PDE7B: variants seen among roughly 807,000 people sequenced by gnomAD.
PDE7B encodes phosphodiesterase 7B, also known as 3',5'-cyclic-AMP phosphodiesterase 7B.
PDE7B carries 29 observed loss-of-function variants against 56.2 expected under a neutral mutation model. That is an observed-to-expected ratio of 0.52 (90% confidence interval 0.38 to 0.70). The LOEUF (loss-of-function observed/expected upper bound fraction) is 0.70. Among genes scored for constraint, PDE7B ranks in the 30% least tolerant of loss-of-function variants. The pLI, the probability that PDE7B is intolerant of heterozygous loss-of-function variation, is 0.00. For missense variants in PDE7B, 490 were observed against 565.0 expected (o/e 0.87, Z 1.35); for synonymous variants, 197 against 196.9 (o/e 1.00, Z 0.00).
chr6:135,894,854 G>T (rs1204856072), intron 1 of PDE7B, among the ~76,000 whole-genome samples: 1 of 152,064 alleles, frequency 6.6e-6, no homozygotes, highest in Middle Eastern at 3.2e-3. Flanking sequence ...TCTACTCCGT[G>T]AAATAAAATT....
At chr6:135,906,810 GT>G (rs869049424) in intron 1 of PDE7B, among the ~76,000 whole-genome samples, 669 of 59,524 alleles carry the variant, frequency 0.011, 12 homozygotes, top group African/African-American at 0.038. Flanking sequence ...AATGAGGTTT[GT>G]TTTTTTTTTT....
chr6:136,056,811 C>T (rs1776744013), intron 2 of PDE7B, among the ~76,000 whole-genome samples: 1 of 152,202 alleles, frequency 6.6e-6, no homozygotes, highest in Non-Finnish European at 1.5e-5. Context: ...GGATTACAGG[C>T]GTGAGCCACC....
intron 1 of PDE7B, among the ~76,000 whole-genome samples, chr6:135,864,793 T>TTTA (rs763625767): frequency 4.6e-5 from 7 of 152,050 alleles, no homozygotes; most frequent in Admixed American, 6.6e-5. Flanking sequence ...CCTTTCTTTT[T>TTTA]TTATTATTAT....
intron 2 of PDE7B, among the ~76,000 whole-genome samples, chr6:136,063,466 T>C (rs1167201172): frequency 1.3e-5 from 2 of 152,236 alleles, no homozygotes; most frequent in Non-Finnish European, 2.9e-5. Context: ...CCTTGGTAAG[T>C]CAGGACCTCC....
chr6:136,091,492 C>T (rs1012857509), intron 2 of PDE7B, among the ~76,000 whole-genome samples: 3 of 152,322 alleles, frequency 2.0e-5, no homozygotes, highest in South Asian at 2.1e-4. Flanking sequence ...TTTTAAATAA[C>T]GGTTCCCTTT....
At chr6:135,990,098 G>GTTTT (rs34915536) in intron 2 of PDE7B, among the ~76,000 whole-genome samples, 2 of 137,810 alleles carry the variant, frequency 1.5e-5, no homozygotes, top group South Asian at 2.3e-4. Flanking sequence ...GGGTTTTTTT[G>GTTTT]TTTTTTTTTT....
At chr6:136,006,395 G>T (rs1775784950) in intron 2 of PDE7B, among the ~76,000 whole-genome samples, 1 of 151,872 alleles carries the variant, frequency 6.6e-6, no homozygotes, top group Non-Finnish European at 1.5e-5. Context: ...GGCTATCTGG[G>T]CTCTTTTTTG....
At chr6:136,172,563 A>C (rs576082946) in intron 8 of PDE7B, among the ~76,000 whole-genome samples, 35 of 151,380 alleles carry the variant, frequency 2.3e-4, no homozygotes, top group African/African-American at 8.2e-4. Context: ...GGTTTTGAAA[A>C]TTTTCTCCCA....
chr6:135,853,163 A>G (rs1463810355), intron 1 of PDE7B, among the ~76,000 whole-genome samples: 1 of 152,230 alleles, frequency 6.6e-6, no homozygotes, highest in East Asian at 1.9e-4. Flanking sequence ...ACCCTGTTCC[A>G]AAATTTCTAA....
At chr6:135,856,086 C>G (rs1230158512) in intron 1 of PDE7B, among the ~76,000 whole-genome samples, 1 of 152,208 alleles carries the variant, frequency 6.6e-6, no homozygotes, top group African/African-American at 2.4e-5. Flanking sequence ...TTCCACTACT[C>G]TCTGTGTAGT....
intron 2 of PDE7B, among the ~76,000 whole-genome samples, chr6:135,984,808 TGAG>T (rs1221533077): frequency 6.6e-6 from 1 of 152,086 alleles, no homozygotes; most frequent in Non-Finnish European, 1.5e-5. Flanking sequence ...TGAGGTACAC[TGAG>T]ATCAGGTGGG....
At chr6:135,981,844 G>A (rs1245297323) in intron 2 of PDE7B, among the ~76,000 whole-genome samples, 1 of 150,762 alleles carries the variant, frequency 6.6e-6, no homozygotes, top group East Asian at 2.0e-4. Flanking sequence ...TAACATAGTT[G>A]TTTATTCTCA....
intron 1 of PDE7B, among the ~76,000 whole-genome samples, chr6:135,888,399 C>A (rs1775747401): frequency 6.6e-6 from 1 of 152,102 alleles, no homozygotes; most frequent in Non-Finnish European, 1.5e-5. Context: ...ATCTTTGGGA[C>A]CTCAGATAAA....
chr6:136,019,761 T>G (rs965047190), intron 2 of PDE7B, among the ~76,000 whole-genome samples: 1 of 152,224 alleles, frequency 6.6e-6, no homozygotes, highest in African/African-American at 2.4e-5. Context: ...TTTACTGTAT[T>G]CTTACAATAA....
rs1774370450 is a variant in PDE7B at position 135,934,812 on chromosome 6, A to ATATATATATTTTAAATATATATATTTAT, written c.22-12641_22-12640insTAAATATATATATTTATTATATATATTT. On this transcript the variant is annotated intron_variant, in intron 1 of 12. Transcript: ENST00000308191. Reference sequence around the variant, plus strand: ...TATATTTTAAATATATATATTTATTATATATATATTTAATAAATAAATATA... The same window carrying ATATATATATTTTAAATATATATATTTAT: ...TATATTTTAAATATATATATTTATTATATATATATTTTAAATATATATATTTATTATATATATTTAATAAATAAATATA... 5.4e-5 allele frequency among the ~76,000 whole-genome samples: 6 copies of ATATATATATTTTAAATATATATATTTAT among 110,708 alleles called. No individual in the cohort carries two copies. In the South Asian group the frequency reaches 7.1e-4, roughly 13 times the overall value. 72.6% of individuals were successfully genotyped at this position (110,708 alleles called of 152,430 possible).
intron 2 of PDE7B, among the ~76,000 whole-genome samples, chr6:136,008,330 A>G (rs1775825231): frequency 6.6e-6 from 1 of 152,180 alleles, no homozygotes; most frequent in Non-Finnish European, 1.5e-5. Context: ...ATGTCTTATA[A>G]TCCTTTGGGT....
intron 1 of PDE7B, among the ~76,000 whole-genome samples, chr6:135,876,794 G>C (rs1179809288): frequency 6.6e-6 from 1 of 152,114 alleles, no homozygotes; most frequent in Non-Finnish European, 1.5e-5. Flanking sequence ...GGGAGGCGGA[G>C]GTTGCAGTGA....
intron 3 of PDE7B, among the ~76,000 whole-genome samples, chr6:136,136,557 A>G (rs1208650475): frequency 6.6e-6 from 1 of 152,032 alleles, no homozygotes; most frequent in African/African-American, 2.4e-5. Context: ...AAAATAACTA[A>G]AAGAGTATAA....
Position 135,851,858 on chromosome 6 carries a change from C to CTTTT in PDE7B, c.-131_-128dup. On this transcript the variant is annotated 5_prime_UTR_variant, in exon 1 of 13. Transcript: ENST00000308191. ...TTCTTTATTTCTTTTCCTTTTTTTTCTTTTTTTTTTTTTGTTACTTAATTA... is the reference window on the plus strand; with the variant it reads ...TTCTTTATTTCTTTTCCTTTTTTTTCTTTTTTTTTTTTTTTTTGTTACTTAATTA... The CTTTT allele has an allele frequency of 1.4e-5, 7 of 508,638 alleles. No homozygotes were observed. Among genetic ancestry groups the CTTTT allele is most frequent in the South Asian group, 8.6e-5 (3 of 34,826 alleles). The allele number at this position is 508,638 out of a possible 1,614,324, so 31.5% of individuals were successfully genotyped here. A position where few individuals can be genotyped will look rare whatever the true frequency, so the allele number is the denominator to read the frequency against.
Sources: allele counts gnomAD v4.1 joint callset (sites outside exome capture counted in the v4.1 genomes callset), GRCh38; gene constraint gnomAD v4.1.1; transcripts MANE v1.5; gene names NCBI Gene and HGNC (gene_info 2026-07-23, HGNC 2026-07-21).